The following GNE variants were observed in gnomAD, a reference collection of about 807,000 sequenced individuals.
The protein encoded by GNE is bifunctional UDP-N-acetylglucosamine 2-epimerase/N-acetylmannosamine kinase.
Under a neutral mutation model 61.8 loss-of-function variants are expected in GNE, and 41 were observed. The ratio of observed to expected loss-of-function variants is 0.66; its 90% CI spans 0.52 to 0.86. The LOEUF (loss-of-function observed/expected upper bound fraction) is 0.86. Among genes scored for constraint, GNE ranks in the 40% least tolerant of loss-of-function variants. GNE has a pLI of 0.00. For synonymous variants in GNE, 264 were observed against 326.4 expected, an observed-to-expected ratio of 0.81 and a Z score of 2.06; for missense variants, 608 against 909.1, an observed-to-expected ratio of 0.67 and a Z score of 4.26.
intron 1 of GNE, chr9:36,263,528 T>C (rs182897975): frequency 2.0e-3 from 302 of 153,750 alleles, no homozygotes; most frequent in African/African-American, 7.0e-3. Flanking sequence ...TCTTCTATTA[T>C]CCAGCCCACA....
At chr9:36,257,802 CAAAAAAAAAAA>C (rs60845805) in intron 1 of GNE, among the ~76,000 whole-genome samples, 62 of 25,246 alleles carry the variant, frequency 2.5e-3, no homozygotes, top group Admixed American at 7.9e-3. Context: ...GACTCAGTCT[CAAAAAAAAAAA>C]AAAAAAAAAA....
intron 1 of GNE, among the ~76,000 whole-genome samples, chr9:36,269,793 C>G (rs893080149): frequency 7.9e-5 from 12 of 151,558 alleles, no homozygotes; most frequent in Non-Finnish European, 1.8e-4. Context: ...TCCTGAGTAT[C>G]TGGGATTACA....
rs188365705 is a variant in GNE, at chr9:36,214,638, G to T, written c.*2727C>A. The stretch of plus-strand genomic sequence containing the variant: ...TCAATACCATCCTTTCAAATATTTG[G>T]TATGAAACTTGGTAGCAATGCAATT... On this transcript the variant is annotated 3_prime_UTR_variant, in exon 12 of 12. Transcript: ENST00000642385. The T allele has an allele frequency of 9.9e-5, 15 of 152,194 alleles. 1 individual carries two copies. In the East Asian group the frequency reaches 1.9e-3, roughly 20 times the overall value. 9.4% of individuals were successfully genotyped at this position (152,194 alleles called of 1,614,324 possible).
intron 3 of GNE, among the ~76,000 whole-genome samples, chr9:36,239,580 C>T (rs561925200): frequency 5.3e-4 from 81 of 152,198 alleles, no homozygotes; most frequent in African/African-American, 1.6e-3. Context: ...TCAAGCGATT[C>T]TCCTGCCTCG....
chr9:36,268,234 T>C (rs1830881879), intron 1 of GNE, among the ~76,000 whole-genome samples: 1 of 152,204 alleles, frequency 6.6e-6, no homozygotes, highest in Non-Finnish European at 1.5e-5. Context: ...CATCCCTGAC[T>C]AATAGAAATT....
chr9:36,258,859 C>T (rs988841944), upstream of GNE, among the ~76,000 whole-genome samples: 3 of 152,200 alleles, frequency 2.0e-5, no homozygotes, highest in African/African-American at 7.2e-5. Flanking sequence ...CGCGGCCACC[C>T]CACAGCGGTC....
chr9:36,264,332 C>T (rs919742154), intron 1 of GNE, among the ~76,000 whole-genome samples: 4 of 151,938 alleles, frequency 2.6e-5, no homozygotes, highest in African/African-American at 4.8e-5. Context: ...GATGGGGTTT[C>T]GTCATGTTGC....
chr9:36,274,520 T>A (rs1382038735), intron 1 of GNE, among the ~76,000 whole-genome samples: 1 of 152,166 alleles, frequency 6.6e-6, no homozygotes, highest in African/African-American at 2.4e-5. Context: ...TTTTTCACAC[T>A]GTTGGTCACT....
chr9:36,239,873 TTTTA>T (rs1359462158), intron 3 of GNE, among the ~76,000 whole-genome samples: 1 of 151,872 alleles, frequency 6.6e-6, no homozygotes, highest in Non-Finnish European at 1.5e-5. Context: ...TTATATTTCA[TTTTA>T]TTATTTTATT....
At chr9:36,240,121 T>C (rs919189521) in intron 3 of GNE, among the ~76,000 whole-genome samples, 2 of 152,172 alleles carry the variant, frequency 1.3e-5, no homozygotes, top group African/African-American at 4.8e-5. Flanking sequence ...GAGTGACGGT[T>C]TGACTTCCTC....
rs1198424583 is a variant in GNE, at chr9:36,216,207, T to C, written c.*1158A>G. The C allele has an allele frequency of 1.1e-5, 5 of 446,488 alleles. No individual in the cohort carries two copies. The highest frequency in any genetic ancestry group is 2.3e-5 in the Non-Finnish European group (5 of 219,734). 27.7% of individuals were successfully genotyped at this position (446,488 alleles called of 1,614,324 possible). On this transcript the variant is annotated 3_prime_UTR_variant, in exon 12 of 12. Coordinates refer to ENST00000642385, the MANE Select transcript of GNE (RefSeq NM_005476.7). ...TGTCAAGGCTTATCAAATTGTAGGC[T>C]TTAAAAACAATAAAGCTGTTTTAAA...
intron 3 of GNE, among the ~76,000 whole-genome samples, chr9:36,240,415 T>C (rs1040847815): frequency 1.1e-4 from 16 of 152,250 alleles, no homozygotes; most frequent in African/African-American, 3.9e-4. Context: ...TCTACTGAAA[T>C]GATCATGTGA....
At chr9:36,231,911 TA>T (rs1022620626) in intron 5 of GNE, among the ~76,000 whole-genome samples, 2 of 152,186 alleles carry the variant, frequency 1.3e-5, no homozygotes, top group African/African-American at 4.8e-5. Context: ...CACATAGCTA[TA>T]AGAGAACTCT....
In GNE at chr9:36,219,985, T is replaced by C; in HGVS notation, c.1669A>G (p.Ile557Val). 2 of 1,614,078 alleles carry C rather than the reference T, an allele frequency of 1.2e-6. No individual in the cohort carries two copies. Among genetic ancestry groups the C allele is most frequent in the African/African-American group, 1.3e-5 (1 of 75,024 alleles). Residue 557 changes from isoleucine (I) to valine (V), a missense_variant, in exon 10 of 12, where the codon ATC becomes GTC. Ile to Val is a conservative substitution (Grantham distance 29). Transcript: ENST00000642385. Reference sequence around the variant, plus strand: ...GCAGCACAGAAGGAGCTTCCGTGGATCAATTCATGCTGATGGATAATTCCA... The same window carrying C: ...GCAGCACAGAAGGAGCTTCCGTGGACCAATTCATGCTGATGGATAATTCCA... Reference protein sequence around the residue: ...GGGIIHQHELIHGSSFCAAEL... With the variant: ...GGGIIHQHELVHGSSFCAAEL...
intron 1 of GNE, among the ~76,000 whole-genome samples, chr9:36,266,139 C>G (rs1004311363): frequency 1.3e-5 from 2 of 152,066 alleles, no homozygotes; most frequent in African/African-American, 2.4e-5. Context: ...TCATGTTGGC[C>G]AGGCTGGTCG....
At position 36,226,837 on chromosome 9, in the gene GNE, G is replaced by A. The variant is rs370788436; in HGVS notation, c.1281+411C>T. On this transcript the variant is annotated intron_variant, in intron 7 of 11. Transcript: ENST00000642385. ...GAGCAGAACTGTAAAAATGCAAAATGGAAAATCCACACAACTGATCACATT... is the reference window on the plus strand; with the variant it reads ...GAGCAGAACTGTAAAAATGCAAAATAGAAAATCCACACAACTGATCACATT... Among the ~76,000 whole-genome samples, 4 of 152,156 alleles carry A rather than the reference G, an allele frequency of 2.6e-5. No homozygotes were observed. In the East Asian group the frequency reaches 5.8e-4, roughly 22 times the overall value.
chr9:36,251,986 C>CTTTTTTTTTTTTTTTTTTTTTTTTTTT (rs34737463), intron 1 of GNE, among the ~76,000 whole-genome samples: 1 of 134,174 alleles, frequency 7.5e-6, no homozygotes, highest in African/African-American at 2.8e-5. Flanking sequence ...ACTATCTGAT[C>CTTTTTTTTTTTTTTTTTTTTTTTTTTT]TTTTTTTTTT....
intron 3 of GNE, 40 bp downstream of exon 3, chr9:36,245,991 A>T: frequency 5.5e-6 from 8 of 1,467,058 alleles, no homozygotes; most frequent in Non-Finnish European, 7.6e-6. Context: ...ATTTTCTGAC[A>T]AAAACAGCCA....
intron 1 of GNE, among the ~76,000 whole-genome samples, chr9:36,255,265 T>C (rs1200925761): frequency 6.6e-6 from 1 of 152,096 alleles, no homozygotes; most frequent in Non-Finnish European, 1.5e-5. Context: ...TGGAGTGCAG[T>C]GGTGCGACCT....
Sources: allele counts gnomAD v4.1 joint callset (sites outside exome capture counted in the v4.1 genomes callset), GRCh38; gene constraint gnomAD v4.1.1; transcripts MANE v1.5; gene names NCBI Gene and HGNC (gene_info 2026-07-23, HGNC 2026-07-21).